PKP4: variants seen among roughly 807,000 people sequenced by gnomAD.
The protein encoded by PKP4 is plakophilin-4.
In PKP4, 90 loss-of-function variants were observed where a neutral mutation model predicts 145.1. The ratio of observed to expected loss-of-function variants is 0.62; its 90% CI spans 0.52 to 0.74. PKP4 has a LOEUF of 0.74. PKP4 is among the 30% of genes least tolerant of loss of function. PKP4 has a pLI of 0.00. For missense variants in PKP4, 1,340 were observed against 1,482.7 expected, an observed-to-expected ratio of 0.90 and a Z score of 1.58; for synonymous variants, 563 against 577.2, an observed-to-expected ratio of 0.98 and a Z score of 0.35.
At chr2:158,472,126 A>G (rs1034984419) in intron 1 of PKP4, among the ~76,000 whole-genome samples, 2 of 152,230 alleles carry the variant, frequency 1.3e-5, no homozygotes, top group African/African-American at 2.4e-5. Context: ...ATGATAATAT[A>G]TTTTTGAAAT....
chr2:158,601,325 G>A (rs145689414), intron 3 of PKP4, among the ~76,000 whole-genome samples: 26 of 151,916 alleles, frequency 1.7e-4, no homozygotes, highest in Admixed American at 1.6e-3. Context: ...AAACATTTCC[G>A]GATGGCAGTT....
chr2:158,574,515 C>T (rs2047679324), intron 2 of PKP4, among the ~76,000 whole-genome samples: 1 of 152,160 alleles, frequency 6.6e-6, no homozygotes, highest in African/African-American at 2.4e-5. Flanking sequence ...TCAAAGAGGC[C>T]AGTAGAGACT....
chr2:158,521,846 A>G (rs2042401577), intron 1 of PKP4, among the ~76,000 whole-genome samples: 2 of 152,112 alleles, frequency 1.3e-5, no homozygotes, highest in South Asian at 2.1e-4. Flanking sequence ...AATTTTTTCT[A>G]CTTATTATTG....
intron 1 of PKP4, among the ~76,000 whole-genome samples, chr2:158,507,966 A>G (rs911743286): frequency 1.3e-5 from 2 of 152,122 alleles, no homozygotes; most frequent in Admixed American, 6.5e-5. Flanking sequence ...CTGCTCTGCC[A>G]CAGGGTGGCT....
chr2:158,496,586 A>G (rs1254676762), intron 1 of PKP4, among the ~76,000 whole-genome samples: 3 of 152,040 alleles, frequency 2.0e-5, no homozygotes, highest in Admixed American at 2.0e-4. Context: ...GAAGTTTTTA[A>G]TTTCTTGCTT....
chr2:158,473,594 G>T (rs912267977), intron 1 of PKP4, among the ~76,000 whole-genome samples: 2 of 151,952 alleles, frequency 1.3e-5, no homozygotes, highest in Non-Finnish European at 2.9e-5. Context: ...CTTATAAGTG[G>T]GAGCTAAATG....
At chr2:158,578,979 C>A (rs74873541) in intron 3 of PKP4, among the ~76,000 whole-genome samples, 1 of 152,100 alleles carries the variant, frequency 6.6e-6, no homozygotes, top group African/African-American at 2.4e-5. Context: ...CATAGAGGAG[C>A]TAAAGAATGA....
At chr2:158,460,996 G>A (rs1005500505) in intron 1 of PKP4, among the ~76,000 whole-genome samples, 1 of 152,196 alleles carries the variant, frequency 6.6e-6, no homozygotes, top group Non-Finnish European at 1.5e-5. Flanking sequence ...GTGGATGTAA[G>A]CTTTCATTCT....
chr2:158,460,783 G>A (rs923737314), intron 1 of PKP4, among the ~76,000 whole-genome samples: 1 of 152,184 alleles, frequency 6.6e-6, no homozygotes, highest in Non-Finnish European at 1.5e-5. Flanking sequence ...TTGCCTTCAC[G>A]CCTTCAAGTG....
intron 2 of PKP4, among the ~76,000 whole-genome samples, chr2:158,553,013 A>C (rs954829955): frequency 2.4e-4 from 37 of 152,168 alleles, no homozygotes; most frequent in Admixed American, 1.6e-3. Context: ...TACTGGTAGA[A>C]AACTTAGCTG....
chr2:158,646,525 T>C (rs977161104), intron 11 of PKP4, among the ~76,000 whole-genome samples: 2 of 152,234 alleles, frequency 1.3e-5, no homozygotes, highest in African/African-American at 2.4e-5. Flanking sequence ...CTAAGCTTTA[T>C]AGAGACAGCA....
At chr2:158,458,654 C>CG (rs1689274167) in intron 1 of PKP4, among the ~76,000 whole-genome samples, 1 of 152,078 alleles carries the variant, frequency 6.6e-6, no homozygotes, top group African/African-American at 2.4e-5. Context: ...GCATGTACTG[C>CG]GAGAGAGATC....
chr2:158,590,353 GTGTGTA>G (rs1232855970), intron 3 of PKP4, among the ~76,000 whole-genome samples: 2 of 135,410 alleles, frequency 1.5e-5, no homozygotes, highest in African/African-American at 5.7e-5. Context: ...GTGTGTGTGT[GTGTGTA>G]TTGTGTATTT....
intron 1 of PKP4, among the ~76,000 whole-genome samples, chr2:158,522,861 A>C (rs2042527881): frequency 6.6e-6 from 1 of 152,206 alleles, no homozygotes; most frequent in Admixed American, 6.5e-5. Flanking sequence ...AGTCAAAGAA[A>C]GGGGTGACGG....
intron 6 of PKP4, among the ~76,000 whole-genome samples, chr2:158,623,822 C>T (rs1354191692): frequency 6.6e-6 from 1 of 152,206 alleles, no homozygotes; most frequent in Non-Finnish European, 1.5e-5. Context: ...ACAGAGCAGC[C>T]TGGTCCTAGT....
intron 1 of PKP4, among the ~76,000 whole-genome samples, chr2:158,504,467 G>A (rs1215786065): frequency 6.6e-6 from 1 of 152,118 alleles, no homozygotes; most frequent in Non-Finnish European, 1.5e-5. Context: ...TCTCATTCTT[G>A]TAGTCCTGAG....
chr2:158,640,265 G>A (rs929218044), intron 9 of PKP4, among the ~76,000 whole-genome samples: 4 of 152,132 alleles, frequency 2.6e-5, no homozygotes, highest in Non-Finnish European at 5.9e-5. Context: ...ATCTCACTTC[G>A]CTACAGTGCA....
intron 2 of PKP4, 143 bp from the exon 3 acceptor site, chr2:158,577,128 C>A: frequency 3.9e-6 from 2 of 509,924 alleles, no homozygotes. Flanking sequence ...TTATTTCATC[C>A]AAAAATTGCA....
chr2:158,560,993 C>T (rs567688441), intron 2 of PKP4, among the ~76,000 whole-genome samples: 18 of 152,318 alleles, frequency 1.2e-4, no homozygotes, highest in South Asian at 2.1e-4. Flanking sequence ...GGTGGCCTAC[C>T]GGCTGAATCT....
Sources: allele counts gnomAD v4.1 joint callset (sites outside exome capture counted in the v4.1 genomes callset), GRCh38; gene constraint gnomAD v4.1.1; transcripts MANE v1.5; gene names NCBI Gene and HGNC (gene_info 2026-07-23, HGNC 2026-07-21).